RPL36: variants seen among roughly 807,000 people sequenced by gnomAD.
RPL36 encodes the protein large ribosomal subunit protein eL36.
For missense variants in RPL36, 131 were observed against 144.9 expected (o/e 0.90, Z 0.49); for synonymous variants, 74 against 56.0 (o/e 1.32, Z -1.44).
intron 2 of RPL36, chr19:5,690,825 A>AT: frequency 1.7e-6 from 1 of 600,582 alleles, no homozygotes; most frequent in African/African-American, 1.8e-5. Flanking sequence ...GGGCAGAGGG[A>AT]GCACCTTGAG....
chr19:5,691,024 C>A lies in RPL36; in HGVS notation c.94-295C>A. 5 of 554,014 alleles carry A rather than the reference C, an allele frequency of 9.0e-6. No homozygotes were observed. The South Asian group carries it at 1.0e-4, about 12-fold the overall frequency. The allele number at this position is 554,014 out of a possible 1,614,324, so 34.3% of individuals were successfully genotyped here. ...AAGGAGTTCGCTCATGGAGCTGGCCCGAGGTTGCGGTGTGTGAGGTTGAGG... is the reference window on the plus strand; with the variant it reads ...AAGGAGTTCGCTCATGGAGCTGGCCAGAGGTTGCGGTGTGTGAGGTTGAGG... On this transcript the variant is annotated intron_variant, in intron 2 of 3. Coordinates refer to ENST00000347512, the MANE Select transcript of RPL36 (RefSeq NM_033643.3).
At position 5,690,299 on chromosome 19, in the gene RPL36, C is replaced by T. The variant is rs568723208; in HGVS notation, c.-31C>T. 20 of 612,954 alleles carry T rather than the reference C, an allele frequency of 3.3e-5. No homozygotes were observed. The African/African-American group carries it at 3.5e-4, about 11-fold the overall frequency. 38.0% of individuals were successfully genotyped at this position (612,954 alleles called of 1,614,324 possible). ...GGAGTTCCGCGCGGCGCCAGCCCTT[C>T]CGCCACGGCCGTCTCTGGAGAGCAG... On this transcript the variant is annotated 5_prime_UTR_variant, in exon 1 of 4. Transcript: ENST00000347512.
intron 2 of RPL36, 167 bp from the exon 3 acceptor site, chr19:5,691,152 G>T: frequency 1.1e-6 from 1 of 905,484 alleles, no homozygotes; most frequent in Non-Finnish European, 1.7e-6. Context: ...AGGGAGGATG[G>T]GAGCTGCTCC....
At position 5,690,697 on chromosome 19, in the gene RPL36, G is replaced by A. The variant is rs1224361603; in HGVS notation, c.93+97G>A. ...TCTCGACCTGAAAGAACGCGCGTTCGGGCGCAGAACTAAGGGGGGCTTGAA... is the reference window on the plus strand; with the variant it reads ...TCTCGACCTGAAAGAACGCGCGTTCAGGCGCAGAACTAAGGGGGGCTTGAA... On this transcript the variant is annotated intron_variant, in intron 2 of 3. Coordinates refer to ENST00000347512, the MANE Select transcript of RPL36 (RefSeq NM_033643.3). The A allele has an allele frequency of 1.4e-5, 14 of 1,019,838 alleles. No homozygotes were observed. In the Admixed American group the frequency reaches 2.6e-4, roughly 19 times the overall value. 63.2% of individuals were successfully genotyped at this position (1,019,838 alleles called of 1,614,324 possible).
rs777601009 is a variant in RPL36 at position 5,691,440 on chromosome 19, T to A, written c.215T>A (p.Phe72Tyr). 5.5e-5 allele frequency: 89 copies of A among 1,613,784 alleles called. No homozygotes were observed. Among genetic ancestry groups the A allele is most frequent in the Non-Finnish European group, 7.3e-5 (86 of 1,179,960 alleles). ...TCCAAGGACAAACGGGCCCTCAAATTTATCAAGAAAAGGGTAGGTGGGCGC... is the reference window on the plus strand; with the variant it reads ...TCCAAGGACAAACGGGCCCTCAAATATATCAAGAAAAGGGTAGGTGGGCGC... ...KVSKDKRALK[F>Y]IKKRVGTHIR... Residue 72 changes from phenylalanine (F) to tyrosine (Y), a missense_variant, in exon 3 of 4, where the codon TTT becomes TAT. Transcript: ENST00000347512.
Position 5,691,649 on chromosome 19 carries a change from A to G in RPL36, c.*28A>G. The G allele has an allele frequency of 1.3e-6, 2 of 1,581,164 alleles. No homozygotes were observed. Among genetic ancestry groups the G allele is most frequent in the Non-Finnish European group, 1.7e-6 (2 of 1,163,928 alleles). Reference sequence around the variant, plus strand: ...CCCTCCCCTGCCCTCTCCCTGAAATAAAGAACAGCTTGACAGAAGCCCTGG... The same window carrying G: ...CCCTCCCCTGCCCTCTCCCTGAAATGAAGAACAGCTTGACAGAAGCCCTGG... On this transcript the variant is annotated 3_prime_UTR_variant, in exon 4 of 4. Transcript: ENST00000347512.
intron 1 of RPL36, 67 bp from the exon 2 acceptor site, chr19:5,690,439 G>C: frequency 1.6e-6 from 2 of 1,236,942 alleles, no homozygotes; most frequent in Non-Finnish European, 2.3e-6. Flanking sequence ...GCCGGGACGC[G>C]GGGCTCTGGG....
In RPL36 at chr19:5,690,325, C is replaced by G. The variant is rs955296361; in HGVS notation, c.-5C>G. On this transcript the variant is annotated splice_region_variant and 5_prime_UTR_variant, in exon 1 of 4. Transcript: ENST00000347512. ...CGCCACGGCCGTCTCTGGAGAGCAG[C>G]AGGTAAGTGGTTTCCCGCACTGCCG... 6.2e-6 allele frequency: 4 copies of G among 646,742 alleles called. No individual in the cohort carries two copies. The African/African-American group carries it at 7.2e-5, about 12-fold the overall frequency. 40.1% of individuals were successfully genotyped at this position (646,742 alleles called of 1,614,324 possible). A position where few individuals can be genotyped will look rare whatever the true frequency, so the allele number is the denominator to read the frequency against.
At position 5,690,620 on chromosome 19, in the gene RPL36, G is replaced by C; in HGVS notation, c.93+20G>C. The C allele has an allele frequency of 2.6e-6, 4 of 1,544,930 alleles. No individual in the cohort carries two copies. The highest frequency in any genetic ancestry group is 3.5e-6 in the Non-Finnish European group (4 of 1,140,326). On this transcript the variant is annotated intron_variant, in intron 2 of 3. Coordinates refer to ENST00000347512, the MANE Select transcript of RPL36 (RefSeq NM_033643.3). ...CGCGGGGTGAGTGCGGGTGCCGCGC[G>C]GAGGTTGTCGGGGGTTTCTTGGAGG... is the stretch of plus-strand genomic sequence containing the variant.
At position 5,691,758 on chromosome 19, in the gene RPL36, C is replaced by G; in HGVS notation, c.*137C>G. On this transcript the variant is annotated 3_prime_UTR_variant, in exon 4 of 4. Transcript: ENST00000347512. ...GTGCCCGCTCTGAGCCACACCCTCT[C>G]CGGGTGCTGCCTGGTCGTGAATCAA... 2 of 1,027,116 alleles carry G rather than the reference C, an allele frequency of 1.9e-6. No homozygotes were observed. The highest frequency in any genetic ancestry group is 1.4e-5 in the South Asian group (1 of 73,284). 63.6% of individuals were successfully genotyped at this position (1,027,116 alleles called of 1,614,324 possible). A position where few individuals can be genotyped will look rare whatever the true frequency, so the allele number is the denominator to read the frequency against.
At chr19:5,690,384 G>A in intron 1 of RPL36, 57 bp downstream of exon 1, 1 of 773,088 alleles carries the variant, frequency 1.3e-6, no homozygotes, top group South Asian at 1.5e-5. Context: ...CGGGTCCTCT[G>A]TGCAGGTTGG....
rs754206195 is a variant in RPL36 at position 5,691,839 on chromosome 19, CA to C, written c.*221del. 149 of 809,956 alleles carry C rather than the reference CA, an allele frequency of 1.8e-4. No individual in the cohort carries two copies. The highest frequency in any genetic ancestry group is 2.6e-4 in the Non-Finnish European group (136 of 520,054). The allele number at this position is 809,956 out of a possible 1,614,324, so 50.2% of individuals were successfully genotyped here. A position where few individuals can be genotyped will look rare whatever the true frequency, so the allele number is the denominator to read the frequency against. The stretch of plus-strand genomic sequence containing the variant: ...AGCAGGTGAGGAAGCCGCCGTACTG[CA>C]AATGACTTTAATCATTAAATAGCTT... On this transcript the variant is annotated 3_prime_UTR_variant, in exon 4 of 4. Transcript: ENST00000347512.
chr19:5,690,808 C>T (rs1446993526), intron 2 of RPL36: 3 of 611,678 alleles, frequency 4.9e-6, no homozygotes, highest in Non-Finnish European at 8.8e-6. Flanking sequence ...CCGTGCAATC[C>T]ACGCTGGGGC....
In RPL36 at chr19:5,691,532, G is replaced by T; in HGVS notation, c.229G>T (p.Val77Leu). Residue 77 changes from valine (V) to leucine (L), a missense_variant and splice_region_variant, in exon 4 of 4, where the codon GTG becomes TTG. By Grantham distance (32) the Val-to-Leu change is conservative. Coordinates refer to ENST00000347512, the MANE Select transcript of RPL36 (RefSeq NM_033643.3). The part of the protein sequence containing the change: ...KRALKFIKKR[V>L]GTHIRAKRKR... ...CTGACGGCGGCCTCGTCCCTGGCAGGTGGGGACGCACATCCGCGCCAAGAG... is the reference window on the plus strand; with the variant it reads ...CTGACGGCGGCCTCGTCCCTGGCAGTTGGGGACGCACATCCGCGCCAAGAG... The T allele has an allele frequency of 6.2e-7, 1 of 1,612,274 alleles. No individual in the cohort carries two copies. Among genetic ancestry groups the T allele is most frequent in the Non-Finnish European group, 8.5e-7 (1 of 1,179,910 alleles).
Position 5,691,694 on chromosome 19 carries a change from T to C in RPL36, c.*73T>C, listed in dbSNP as rs1599438385. ...CCCTGGCTCTCCTGCTGTCCGTGGG[T>C]GGGTGTGGGTGTGTCGGGGGCCCGC... On this transcript the variant is annotated 3_prime_UTR_variant, in exon 4 of 4. Transcript: ENST00000347512. 6.9e-7 allele frequency: 1 copy of C among 1,443,726 alleles called. No homozygotes were observed. The highest frequency in any genetic ancestry group is 9.5e-7 in the Non-Finnish European group (1 of 1,052,124). 89.4% of individuals were successfully genotyped at this position (1,443,726 alleles called of 1,614,324 possible). A position where few individuals can be genotyped will look rare whatever the true frequency, so the allele number is the denominator to read the frequency against.
chr19:5,691,302 G>A lies in RPL36; in HGVS notation c.94-17G>A. On this transcript the variant is annotated splice_polypyrimidine_tract_variant and intron_variant, in intron 2 of 3. Transcript: ENST00000347512. ...CAGGGATCCCCCTACCCTGACGGCC[G>A]CCCCTTTCCCCCCTAGCGTCTGACC... The A allele has an allele frequency of 1.2e-6, 2 of 1,611,488 alleles. No homozygotes were observed. Among genetic ancestry groups the A allele is most frequent in the Admixed American group, 1.7e-5 (1 of 60,000 alleles).
Position 5,690,313 on chromosome 19 carries a change from T to G in RPL36, c.-17T>G. ...CGCCAGCCCTTCCGCCACGGCCGTCTCTGGAGAGCAGCAGGTAAGTGGTTT... is the reference window on the plus strand; with the variant it reads ...CGCCAGCCCTTCCGCCACGGCCGTCGCTGGAGAGCAGCAGGTAAGTGGTTT... On this transcript the variant is annotated 5_prime_UTR_variant, in exon 1 of 4. Transcript: ENST00000347512. The G allele has an allele frequency of 1.6e-6, 1 of 634,152 alleles. No individual in the cohort carries two copies. Among genetic ancestry groups the G allele is most frequent in the Non-Finnish European group, 2.9e-6 (1 of 348,946 alleles). The allele number at this position is 634,152 out of a possible 1,614,324, so 39.3% of individuals were successfully genotyped here.
At position 5,691,459 on chromosome 19, in the gene RPL36, T is replaced by A. The variant is rs753482460; in HGVS notation, c.228+6T>A. ...TCAAATTTATCAAGAAAAGGGTAGG[T>A]GGGCGCTGCCGGCCGAGGGGCGGGG... On this transcript the variant is annotated splice_donor_region_variant and intron_variant, in intron 3 of 3. Transcript: ENST00000347512. The A allele has an allele frequency of 1.3e-6, 2 of 1,570,264 alleles. No individual in the cohort carries two copies. The highest frequency in any genetic ancestry group is 2.2e-5 in the South Asian group (2 of 90,174).
rs2054822599 is a variant in RPL36, at chr19:5,691,643, T to G, written c.*22T>G. 6.3e-7 allele frequency: 1 copy of G among 1,587,630 alleles called. No homozygotes were observed. The highest frequency in any genetic ancestry group is 1.3e-5 in the African/African-American group (1 of 74,704). On this transcript the variant is annotated 3_prime_UTR_variant, in exon 4 of 4. Transcript: ENST00000347512. ...CTGAGCCCCTCCCCTGCCCTCTCCC[T>G]GAAATAAAGAACAGCTTGACAGAAG... is the stretch of plus-strand genomic sequence containing the variant.
Sources: gnomAD v4.1 joint callset for allele counts on GRCh38, gnomAD v4.1.1 for gene constraint, MANE v1.5 for transcripts, NCBI Gene and HGNC (gene_info 2026-07-23, HGNC 2026-07-21) for gene names.